The following GNAO1 variants were observed in gnomAD, a reference collection of about 807,000 sequenced individuals.
GNAO1 encodes G protein subunit alpha o1, also known as guanine nucleotide-binding protein G(o) subunit alpha.
For synonymous variants in GNAO1, 164 were observed against 180.7 expected (o/e 0.91, Z 0.74); for missense variants, 166 against 478.7 (o/e 0.35, Z 6.10).
At position 56,351,738 on chromosome 16, in the gene GNAO1, A is replaced by G; in HGVS notation, c.877+201A>G. On this transcript the variant is annotated intron_variant, in intron 7 of 8. Transcript: ENST00000262493. This position sits in a 1 kb window ranked among gnomAD's most constrained non-coding sequence, Gnocchi z 6.1. ...AGGACACAGCCCTCAGCGTGGTGGA[A>G]ATGGCCCCTCCTAAGATATATGTGT... 1.8e-6 allele frequency: 1 copy of G among 570,814 alleles called. No homozygotes were observed. The highest frequency in any genetic ancestry group is 3.1e-6 in the Non-Finnish European group (1 of 319,152). 35.4% of individuals were successfully genotyped at this position (570,814 alleles called of 1,614,324 possible). A position where few individuals can be genotyped will look rare whatever the true frequency, so the allele number is the denominator to read the frequency against.
intron 6 of GNAO1, chr16:56,346,891 G>A (rs1161961592): frequency 1.0e-6 from 1 of 985,370 alleles, no homozygotes; most frequent in Admixed American, 6.1e-5. Flanking sequence ...GGAAGGCCAA[G>A]GGATGGTCTC....
intron 5 of GNAO1, among the ~76,000 whole-genome samples, chr16:56,336,207 G>A (rs1275207300): frequency 7.9e-5 from 12 of 152,224 alleles, no homozygotes; most frequent in African/African-American, 2.2e-4. Context: ...AGGTGAGAGC[G>A]CCAGCTTTGT....
intron 3 of GNAO1, among the ~76,000 whole-genome samples, chr16:56,304,363 T>C (rs1409212592): frequency 6.6e-6 from 1 of 152,352 alleles, no homozygotes; most frequent in East Asian, 1.9e-4. Context: ...CTTGAAATAT[T>C]GTTCATCATT....
chr16:56,312,063 T>G lies in GNAO1; in HGVS notation c.304-16568T>G, dbSNP rs187763705. ...GACCCTGCCCTCGGGGAGACAGGGC[T>G]GCCGGGCTCTGGGCCAGCTCTGCCC... is the stretch of plus-strand genomic sequence containing the variant. On this transcript the variant is annotated intron_variant, in intron 3 of 8. Coordinates refer to ENST00000262493, the MANE Select transcript of GNAO1 (RefSeq NM_020988.3). Among the ~76,000 whole-genome samples the G allele has an allele frequency of 7.2e-5, 11 of 152,266 alleles. No individual in the cohort carries two copies. In the East Asian group the frequency reaches 2.1e-3, roughly 29 times the overall value.
At chr16:56,256,018 A>G (rs77466902) in intron 2 of GNAO1, among the ~76,000 whole-genome samples, 2,050 of 152,182 alleles carry the variant, frequency 0.013, 22 homozygotes, top group Non-Finnish European at 0.023. Context: ...TGTCTCTTGG[A>G]GCAGCTGCAC....
chr16:56,204,539 G>A (rs1477127538), intron 2 of GNAO1, among the ~76,000 whole-genome samples: 3 of 152,122 alleles, frequency 2.0e-5, no homozygotes, highest in Admixed American at 6.5e-5. Flanking sequence ...AGAGAGCAGA[G>A]TAGCAGGAGG....
chr16:56,308,683 A>G (rs1227811715), intron 3 of GNAO1, among the ~76,000 whole-genome samples: 1 of 152,148 alleles, frequency 6.6e-6, no homozygotes, highest in Non-Finnish European at 1.5e-5. Context: ...GGGTGGAGGA[A>G]CAGGACCACA....
chr16:56,275,367 G>A (rs759194182), intron 2 of GNAO1, among the ~76,000 whole-genome samples: 5 of 152,204 alleles, frequency 3.3e-5, no homozygotes, highest in Non-Finnish European at 7.3e-5. Flanking sequence ...AACGAGGGTG[G>A]TATGTGGTTA....
chr16:56,213,210 G>C (rs957602872), intron 2 of GNAO1: 3 of 398,038 alleles, frequency 7.5e-6, no homozygotes, highest in Non-Finnish European at 1.3e-5. Context: ...GAAATTATTT[G>C]GTTAAAATGC....
At chr16:56,344,320 C>T in intron 6 of GNAO1, 1 of 1,111,122 alleles carries the variant, frequency 9.0e-7, no homozygotes. Flanking sequence ...TTGGGTGGTG[C>T]AGGGGCGCAG....
At chr16:56,340,769 T>C (rs1001614651) in intron 6 of GNAO1, 5 of 1,469,206 alleles carry the variant, frequency 3.4e-6, no homozygotes, top group East Asian at 4.5e-5. Context: ...CGCTGTGTCA[T>C]TGGCCGCGGT....
chr16:56,269,957 C>T (rs1053130809), intron 2 of GNAO1, among the ~76,000 whole-genome samples: 2 of 152,162 alleles, frequency 1.3e-5, no homozygotes, highest in South Asian at 4.1e-4. Context: ...CCTGGGGAGT[C>T]TCACTGCAGC....
chr16:56,323,721 G>T (rs2037600740), intron 3 of GNAO1, among the ~76,000 whole-genome samples: 1 of 152,056 alleles, frequency 6.6e-6, no homozygotes, highest in South Asian at 2.1e-4. Context: ...AAAATTTCTG[G>T]ATTCTTTTTG....
intron 2 of GNAO1, among the ~76,000 whole-genome samples, chr16:56,240,227 G>A (rs2036681428): frequency 6.6e-6 from 1 of 151,886 alleles, no homozygotes; most frequent in African/African-American, 2.4e-5. Flanking sequence ...TCAGTGTGTG[G>A]AGGGCTCGGG....
chr16:56,262,189 T>G (rs1350277199), intron 2 of GNAO1, among the ~76,000 whole-genome samples: 2 of 152,224 alleles, frequency 1.3e-5, no homozygotes, highest in Non-Finnish European at 2.9e-5. Flanking sequence ...ACTACAGCCC[T>G]CATTTGCCAT....
intron 2 of GNAO1, among the ~76,000 whole-genome samples, chr16:56,253,090 C>T (rs2143460603): frequency 6.6e-6 from 1 of 152,342 alleles, no homozygotes; most frequent in South Asian, 2.1e-4. Flanking sequence ...CAGCAGCCAT[C>T]TCTGGAGCCA....
chr16:56,202,504 A>G (rs2036289918), intron 2 of GNAO1, among the ~76,000 whole-genome samples: 1 of 152,220 alleles, frequency 6.6e-6, no homozygotes, highest in African/African-American at 2.4e-5. Context: ...TTGAGAAGTT[A>G]TCCAGATCCC....
intron 2 of GNAO1, chr16:56,235,479 CT>C: frequency 2.2e-6 from 1 of 451,832 alleles, no homozygotes; most frequent in Non-Finnish European, 4.4e-6. Flanking sequence ...TACCATTTCC[CT>C]TTGGCTCCTG....
chr16:56,292,393 G>A (rs1298003711), intron 3 of GNAO1, among the ~76,000 whole-genome samples: 1 of 152,114 alleles, frequency 6.6e-6, no homozygotes, highest in African/African-American at 2.4e-5. Flanking sequence ...ACAAGGTCTA[G>A]CTTTATCACC....
Sources: allele counts gnomAD v4.1 joint callset (sites outside exome capture counted in the v4.1 genomes callset), GRCh38; gene constraint gnomAD v4.1.1; non-coding constraint Gnocchi (gnomAD v3.1); transcripts MANE v1.5; gene names NCBI Gene and HGNC (gene_info 2026-07-23, HGNC 2026-07-21).